DRC8: variants seen among roughly 807,000 people sequenced by gnomAD.
DRC8 encodes the protein dynein regulatory complex subunit 8, also known as dynein regulatory complex protein 8.
the DRC8 span, among the ~76,000 whole-genome samples, chr1:245,114,393 A>C: frequency 2.0e-5 from 3 of 151,754 alleles, no homozygotes; most frequent in Non-Finnish European, 4.4e-5. Flanking sequence ...TGAAACCCGG[A>C]GGCAGAGGTT....
At chr1:245,109,856 G>C in the DRC8 span, among the ~76,000 whole-genome samples, 4 of 152,206 alleles carry the variant, frequency 2.6e-5, no homozygotes, top group African/African-American at 9.6e-5. Context: ...TCAGCTCGGC[G>C]GTGGCCTGTC....
At chr1:245,039,488 A>AAAGAG in the DRC8 span, among the ~76,000 whole-genome samples, 35 of 147,760 alleles carry the variant, frequency 2.4e-4, no homozygotes, top group Admixed American at 2.7e-4. Flanking sequence ...AAAAAAAAAA[A>AAAGAG]AGAGTTTGTG....
chr1:245,079,850 G>T, the DRC8 span, among the ~76,000 whole-genome samples: 1 of 152,172 alleles, frequency 6.6e-6, no homozygotes, highest in African/African-American at 2.4e-5. Flanking sequence ...ATTTGCCCGG[G>T]GCTCCTGAGG....
chr1:245,087,776 A>G, the DRC8 span: 33 of 973,100 alleles, frequency 3.4e-5, no homozygotes, highest in African/African-American at 5.3e-4. Flanking sequence ...TTTTTAAACA[A>G]TAACAAATGC....
the DRC8 span, among the ~76,000 whole-genome samples, chr1:245,101,042 G>A: frequency 2.6e-5 from 4 of 151,948 alleles, no homozygotes; most frequent in African/African-American, 7.2e-5. Flanking sequence ...CCACCACCAC[G>A]CCCGACTAAC....
the DRC8 span, among the ~76,000 whole-genome samples, chr1:244,985,076 G>GTTTTTTTTTTT: frequency 1.1e-4 from 15 of 130,802 alleles, no homozygotes; most frequent in South Asian, 2.3e-4. Context: ...TGTCTCCAGG[G>GTTTTTTTTTTT]TTTTTTTTTT....
chr1:245,003,598 G>T, the DRC8 span, among the ~76,000 whole-genome samples: 1 of 152,102 alleles, frequency 6.6e-6, no homozygotes, highest in African/African-American at 2.4e-5. Context: ...ATCATTTGGA[G>T]GTTTTTTTTG....
At chr1:245,067,058 AT>A in the DRC8 span, among the ~76,000 whole-genome samples, 1 of 152,126 alleles carries the variant, frequency 6.6e-6, no homozygotes, top group Admixed American at 6.5e-5. Flanking sequence ...CTTTCTCATC[AT>A]TTCCACATCC....
At chr1:245,009,284 C>T in the DRC8 span, among the ~76,000 whole-genome samples, 4 of 151,870 alleles carry the variant, frequency 2.6e-5, no homozygotes, top group African/African-American at 4.8e-5. Flanking sequence ...CCGCCTGCCT[C>T]GGCCTCCCAA....
At chr1:245,044,842 C>T in the DRC8 span, among the ~76,000 whole-genome samples, 641 of 152,030 alleles carry the variant, frequency 4.2e-3, 2 homozygotes, top group Non-Finnish European at 7.0e-3. Flanking sequence ...GGTACCCCCT[C>T]CCCCGACCCA....
chr1:245,055,566 C>T, the DRC8 span, among the ~76,000 whole-genome samples: 1 of 152,092 alleles, frequency 6.6e-6, no homozygotes, highest in East Asian at 1.9e-4. Flanking sequence ...AAGTGATCCT[C>T]CCACCCACAG....
chr1:245,004,423 CT>C, the DRC8 span, among the ~76,000 whole-genome samples: 91,187 of 146,386 alleles, frequency 0.62, 28,001 homozygotes, highest in East Asian at 0.72. Flanking sequence ...TAGAATGATA[CT>C]TTTTTTTTTT....
At chr1:244,994,722 C>T in the DRC8 span, among the ~76,000 whole-genome samples, 1 of 152,178 alleles carries the variant, frequency 6.6e-6, no homozygotes, top group African/African-American at 2.4e-5. Context: ...GCCCCTGCGC[C>T]TGGGACATTA....
At chr1:245,112,417 T>C in the DRC8 span, among the ~76,000 whole-genome samples, 1 of 152,260 alleles carries the variant, frequency 6.6e-6, no homozygotes, top group African/African-American at 2.4e-5. Context: ...ACTTATTTCA[T>C]TTAAAGTTAC....
chr1:245,097,045 T>C, the DRC8 span, among the ~76,000 whole-genome samples: 1 of 152,200 alleles, frequency 6.6e-6, no homozygotes, highest in East Asian at 1.9e-4. The surrounding 1 kb of genome is among the most constrained non-coding windows in gnomAD (Gnocchi z 5.0). Flanking sequence ...TTTCTCTATA[T>C]AGTAAATATC....
the DRC8 span, among the ~76,000 whole-genome samples, chr1:245,086,185 A>G: frequency 6.6e-6 from 1 of 152,264 alleles, no homozygotes; most frequent in Non-Finnish European, 1.5e-5. Context: ...TATGTTTTCA[A>G]TTATTCACTC....
the DRC8 span, among the ~76,000 whole-genome samples, chr1:245,098,088 G>C: frequency 6.6e-6 from 1 of 152,192 alleles, no homozygotes; most frequent in Non-Finnish European, 1.5e-5. Flanking sequence ...AAGGCGGTTG[G>C]ATTTGGGATC....
At chr1:245,047,143 G>A in the DRC8 span, among the ~76,000 whole-genome samples, 29 of 152,326 alleles carry the variant, frequency 1.9e-4, no homozygotes, top group African/African-American at 7.0e-4. Context: ...CTCCAGCAGC[G>A]TGGGGGTTTG....
At chr1:245,090,131 G>A in the DRC8 span, among the ~76,000 whole-genome samples, 1 of 152,184 alleles carries the variant, frequency 6.6e-6, no homozygotes, top group African/African-American at 2.4e-5. Flanking sequence ...GAGGTGGAAG[G>A]AATCAAAGGC....
Sources: gnomAD v4.1 joint callset for allele counts (sites outside exome capture counted in the v4.1 genomes callset) on GRCh38, gnomAD v4.1.1 for gene constraint, Gnocchi (gnomAD v3.1) non-coding constraint, MANE v1.5 for transcripts, NCBI Gene and HGNC (gene_info 2026-07-23, HGNC 2026-07-21) for gene names.